Variants in GOLM1 observed in about 807,000 individuals in gnomAD.
GOLM1 encodes the protein golgi membrane protein 1.
Under a neutral mutation model 50.5 loss-of-function variants are expected in GOLM1, and 31 were observed. That is an observed-to-expected ratio of 0.61 (90% confidence interval 0.46 to 0.83). GOLM1 has a LOEUF of 0.83. Ranked by LOEUF, GOLM1 falls within the 40% of genes least tolerant of loss-of-function variation. GOLM1 has a pLI of 0.00. For synonymous variants in GOLM1, 178 were observed against 192.8 expected, an observed-to-expected ratio of 0.92 and a Z score of 0.64; for missense variants, 491 against 501.3, an observed-to-expected ratio of 0.98 and a Z score of 0.20.
At chr9:86,043,326 G>T (rs889845595) in intron 5 of GOLM1, among the ~76,000 whole-genome samples, 1 of 152,142 alleles carries the variant, frequency 6.6e-6, no homozygotes, top group South Asian at 2.1e-4. Context: ...TGATTCAAAC[G>T]GAAAGAACAC....
intron 3 of GOLM1, among the ~76,000 whole-genome samples, chr9:86,066,352 A>G (rs1329497063): frequency 1.3e-5 from 2 of 152,184 alleles, no homozygotes; most frequent in Non-Finnish European, 2.9e-5. Flanking sequence ...ACATGGGTAC[A>G]GGTCACACAG....
chr9:86,064,304 C>T (rs1008024420), intron 3 of GOLM1, among the ~76,000 whole-genome samples: 1 of 152,218 alleles, frequency 6.6e-6, no homozygotes, highest in African/African-American at 2.4e-5. Context: ...GAGACAAACA[C>T]TTTTATTTTC....
intron 8 of GOLM1, 123 bp downstream of exon 8, chr9:86,035,245 G>A: frequency 1.3e-6 from 2 of 1,520,526 alleles, no homozygotes; most frequent in Non-Finnish European, 1.8e-6. Context: ...AAAGGAATTG[G>A]CAAATTGTGG....
At position 86,068,075 on chromosome 9, in the gene GOLM1, A is replaced by G. The variant is rs949004017; in HGVS notation, c.309+9337T>C. ...AGGTCTACGCAGATGTACTTAAATT[A>G]AAATGAGGTCGCTAGGTGGGCCCTA... On this transcript the variant is annotated intron_variant, in intron 3 of 9. Coordinates refer to ENST00000388712, the MANE Select transcript of GOLM1 (RefSeq NM_016548.4). Among the ~76,000 whole-genome samples, 6 of 152,194 alleles carry G rather than the reference A, an allele frequency of 3.9e-5. 1 individual carries two copies. Among genetic ancestry groups the G allele is most frequent in the Admixed American group, 2.6e-4 (4 of 15,278 alleles).
rs372508348 is a variant in GOLM1, at chr9:86,040,460, C to T, written c.597+279G>A. Among the ~76,000 whole-genome samples, 12 of 152,242 alleles carry T rather than the reference C, an allele frequency of 7.9e-5. No individual in the cohort carries two copies. The East Asian group carries it at 2.1e-3, about 27-fold the overall frequency. The stretch of plus-strand genomic sequence containing the variant: ...TTAACCCCTCCCATGGGGCTGGGGT[C>T]CTCAAGTCAGGAAAACAGCAACTCT... On this transcript the variant is annotated intron_variant, in intron 6 of 9. Coordinates refer to ENST00000388712, the MANE Select transcript of GOLM1 (RefSeq NM_016548.4).
At chr9:86,054,103 A>G (rs1833912712) in intron 3 of GOLM1, among the ~76,000 whole-genome samples, 1 of 152,166 alleles carries the variant, frequency 6.6e-6, no homozygotes, top group Non-Finnish European at 1.5e-5. Context: ...GGGAAAGTCA[A>G]CAGTAGAGGA....
At chr9:86,053,697 A>ACCACACCACACACTCCACAC (rs1564347618) in intron 3 of GOLM1, among the ~76,000 whole-genome samples, 1 of 97,646 alleles carries the variant, frequency 1.0e-5, no homozygotes, top group East Asian at 3.9e-4. Flanking sequence ...CACACCACAC[A>ACCACACCACACACTCCACAC]CATCACATAC....
intron 1 of GOLM1, among the ~76,000 whole-genome samples, chr9:86,090,269 G>A (rs1350592860): frequency 6.6e-6 from 1 of 152,194 alleles, no homozygotes; most frequent in Admixed American, 6.5e-5. Flanking sequence ...CAGACTTTGA[G>A]TGTTATGCTG....
intron 1 of GOLM1, among the ~76,000 whole-genome samples, chr9:86,084,345 G>A (rs561664797): frequency 1.3e-5 from 2 of 152,286 alleles, no homozygotes; most frequent in East Asian, 3.9e-4. Flanking sequence ...TTAGCCACAT[G>A]TTCAAGCTTG....
chr9:86,084,884 C>A (rs1177360526), intron 1 of GOLM1: 6 of 152,156 alleles, frequency 3.9e-5, no homozygotes, highest in African/African-American at 1.2e-4. Context: ...CCCATCTCTA[C>A]TAAAAATACA....
At chr9:86,072,332 T>C (rs1160723855) in intron 3 of GOLM1, among the ~76,000 whole-genome samples, 1 of 152,206 alleles carries the variant, frequency 6.6e-6, no homozygotes, top group Admixed American at 6.5e-5. Context: ...CCTCTCTGCA[T>C]GTCCAGCTAT....
At chr9:86,069,137 A>T (rs1202110790) in intron 3 of GOLM1, among the ~76,000 whole-genome samples, 4 of 149,258 alleles carry the variant, frequency 2.7e-5, no homozygotes, top group African/African-American at 7.3e-5. Context: ...TGTAATCTCT[A>T]TTTTTTTTTT....
At position 86,062,817 on chromosome 9, in the gene GOLM1, G is replaced by A. The variant is rs1183559698; in HGVS notation, c.310-10226C>T. ...TGTGCCTCTAACCTACACGTGACTT[G>A]GGTCAAATAAAACTTCCAGGAGGAT... On this transcript the variant is annotated intron_variant, in intron 3 of 9. Coordinates refer to ENST00000388712, the MANE Select transcript of GOLM1 (RefSeq NM_016548.4). Among the ~76,000 whole-genome samples, 3 of 152,116 alleles carry A rather than the reference G, an allele frequency of 2.0e-5. No individual in the cohort carries two copies. In the East Asian group the frequency reaches 5.8e-4, roughly 29 times the overall value.
rs1290201722 is a variant in GOLM1, at chr9:86,027,305, T to C, written c.*512A>G. 1 of 982,600 alleles carries C rather than the reference T, an allele frequency of 1.0e-6. No homozygotes were observed. The highest frequency in any genetic ancestry group is 1.8e-5 in the African/African-American group (1 of 57,058). 60.9% of individuals were successfully genotyped at this position (982,600 alleles called of 1,614,324 possible). On this transcript the variant is annotated 3_prime_UTR_variant, in exon 10 of 10. Coordinates refer to ENST00000388712, the MANE Select transcript of GOLM1 (RefSeq NM_016548.4). ...TGTTAACAGTCAGTGCTCTAGGCCA[T>C]TGATTGATTGATTGTCAGAATCAGA...
chr9:86,037,779 G>C (rs946664623), intron 6 of GOLM1, among the ~76,000 whole-genome samples: 1 of 152,138 alleles, frequency 6.6e-6, no homozygotes, highest in Non-Finnish European at 1.5e-5. Context: ...ACATCACCAC[G>C]GGAACTGGTG....
chr9:86,033,966 T>C (rs1197121931), intron 8 of GOLM1, among the ~76,000 whole-genome samples: 2 of 127,150 alleles, frequency 1.6e-5, no homozygotes, highest in African/African-American at 3.0e-5. Flanking sequence ...AAACAAAATC[T>C]TTTTTTTTTT....
intron 4 of GOLM1, among the ~76,000 whole-genome samples, chr9:86,049,975 C>T (rs1161971581): frequency 6.6e-6 from 1 of 152,124 alleles, no homozygotes; most frequent in African/African-American, 2.4e-5. Context: ...CCAGTTTTTG[C>T]CCATTCAGTA....
intron 3 of GOLM1, among the ~76,000 whole-genome samples, chr9:86,054,306 G>A (rs555102781): frequency 2.1e-5 from 3 of 143,902 alleles, no homozygotes; most frequent in East Asian, 2.0e-4. Flanking sequence ...TTGCTCTGTT[G>A]CCCAGGCTGG....
chr9:86,037,154 C>T (rs978165873), intron 6 of GOLM1, among the ~76,000 whole-genome samples: 4 of 152,250 alleles, frequency 2.6e-5, no homozygotes, highest in Non-Finnish European at 5.9e-5. Context: ...GTGGCGCACA[C>T]CTGTAATCCC....
Sources: gnomAD v4.1 joint callset for allele counts (sites outside exome capture counted in the v4.1 genomes callset) on GRCh38, gnomAD v4.1.1 for gene constraint, MANE v1.5 for transcripts, NCBI Gene and HGNC (gene_info 2026-07-23, HGNC 2026-07-21) for gene names.